Variants in GABRG2 observed in about 807,000 individuals in gnomAD.
GABRG2 encodes gamma-aminobutyric acid receptor subunit gamma-2.
In GABRG2, 16 loss-of-function variants were observed where a neutral mutation model predicts 56.4. That is an observed-to-expected ratio of 0.28 (90% CI 0.19 to 0.43). The LOEUF (loss-of-function observed/expected upper bound fraction) is 0.43. GABRG2 is among the 20% of genes least tolerant of loss of function. The probability of loss-of-function intolerance (pLI) is 1.00; values close to 1 mark genes in which losing one functional copy is unlikely to be tolerated. For missense variants in GABRG2, 327 were observed against 582.7 expected (o/e 0.56, Z 4.52); for synonymous variants, 208 against 205.5 (o/e 1.01, Z -0.10).
rs1210628894 is a variant in GABRG2 at position 162,153,354 on chromosome 5, T to TA, written c.1415dup (p.Tyr472Ter). 6.2e-7 allele frequency: 1 copy of TA among 1,613,990 alleles called. No individual in the cohort carries two copies. Among genetic ancestry groups the TA allele is most frequent in the Non-Finnish European group, 8.5e-7 (1 of 1,179,880 alleles). ...GTTTAATCTGGTCTATTGGGTCTCC[T>TA]ACCTCTACCTGTGAGGAGGTATGGG... is the stretch of plus-strand genomic sequence containing the variant. Reference protein sequence around the residue: ...CLFNLVYWVSYLYL With the variant: ...CLFNLVYWVS The change falls in exon 10 of 10, where the codon TAC becomes TAAC. Residue 472 changes from tyrosine to a stop codon, truncating the protein, a stop_gained and frameshift_variant. Coordinates refer to ENST00000639213, the MANE Select transcript of GABRG2 (RefSeq NM_198904.4). LOFTEE classifies it high-confidence loss of function.
chr5:162,106,510 A>G (rs1046172700), intron 6 of GABRG2, among the ~76,000 whole-genome samples: 6 of 152,206 alleles, frequency 3.9e-5, no homozygotes, highest in Admixed American at 6.5e-5. Context: ...TTGATTTTTG[A>G]TGCTATTCTT....
At chr5:162,071,504 G>T (rs1758670766) in intron 1 of GABRG2, among the ~76,000 whole-genome samples, 1 of 151,722 alleles carries the variant, frequency 6.6e-6, no homozygotes, top group East Asian at 1.9e-4. Context: ...TTTTTAAAAA[G>T]AAAATACAGT....
intron 5 of GABRG2, chr5:162,102,168 T>C (rs1761471880): frequency 5.3e-6 from 1 of 187,742 alleles, no homozygotes; most frequent in Admixed American, 5.4e-5. Flanking sequence ...ACTTCATCAA[T>C]ACCAGAGGAA....
chr5:162,152,288 T>C, intron 9 of GABRG2: 1 of 234,306 alleles, frequency 4.3e-6, no homozygotes, highest in East Asian at 1.2e-4. Context: ...TCTACTATAA[T>C]GTGTTGCAAT....
At chr5:162,141,686 T>A (rs1764579747) in intron 6 of GABRG2, among the ~76,000 whole-genome samples, 1 of 152,212 alleles carries the variant, frequency 6.6e-6, no homozygotes, top group South Asian at 2.1e-4. Flanking sequence ...TAGTTATAAA[T>A]TCTGAGTAAA....
intron 6 of GABRG2, among the ~76,000 whole-genome samples, chr5:162,141,849 C>CA (rs1764591183): frequency 6.6e-6 from 1 of 151,968 alleles, no homozygotes; most frequent in African/African-American, 2.4e-5. Context: ...ACCCTCCTCA[C>CA]CAAACATTTT....
At chr5:162,093,349 C>T (rs773008852) in intron 1 of GABRG2, among the ~76,000 whole-genome samples, 5 of 151,944 alleles carry the variant, frequency 3.3e-5, no homozygotes, top group Admixed American at 2.6e-4. Context: ...TTCAAGTTAG[C>T]GGGGAGAGGC....
At chr5:162,089,826 A>G (rs1372673377) in intron 1 of GABRG2, among the ~76,000 whole-genome samples, 1 of 152,054 alleles carries the variant, frequency 6.6e-6, no homozygotes, top group Non-Finnish European at 1.5e-5. Flanking sequence ...CAATGACTAG[A>G]TTTTCCTCCT....
intron 6 of GABRG2, among the ~76,000 whole-genome samples, chr5:162,134,926 G>A (rs908702409): frequency 1.3e-5 from 2 of 152,134 alleles, no homozygotes; most frequent in African/African-American, 4.8e-5. Flanking sequence ...TTCAGATGGA[G>A]TCTTTAAAGG....
intron 7 of GABRG2, among the ~76,000 whole-genome samples, chr5:162,145,785 C>T (rs1278922531): frequency 6.6e-6 from 1 of 152,090 alleles, no homozygotes; most frequent in African/African-American, 2.4e-5. Flanking sequence ...TTTCACTTGT[C>T]GAGGGTCAAG....
At chr5:162,094,021 A>G in intron 2 of GABRG2, 42 bp downstream of exon 2, 3 of 1,598,424 alleles carry the variant, frequency 1.9e-6, no homozygotes, top group Non-Finnish European at 2.6e-6. Flanking sequence ...ATAGGAGCAC[A>G]TAAACATGTC....
intron 1 of GABRG2, among the ~76,000 whole-genome samples, chr5:162,085,209 T>C (rs1759972809): frequency 6.6e-6 from 1 of 152,012 alleles, no homozygotes. Context: ...GTTTTATTTA[T>C]TTCTGTATGT....
intron 1 of GABRG2, among the ~76,000 whole-genome samples, chr5:162,075,386 A>G (rs1271247214): frequency 6.6e-6 from 1 of 152,252 alleles, no homozygotes; most frequent in East Asian, 1.9e-4. Context: ...GTAATATTGC[A>G]AACTCCACTC....
chr5:162,068,995 A>G (rs1229460165), intron 1 of GABRG2, among the ~76,000 whole-genome samples: 1 of 152,194 alleles, frequency 6.6e-6, no homozygotes, highest in Non-Finnish European at 1.5e-5. Flanking sequence ...ATAATCGTGA[A>G]GTACACATTA....
At chr5:162,071,166 G>GA (rs1758646363) in intron 1 of GABRG2, among the ~76,000 whole-genome samples, 1 of 151,072 alleles carries the variant, frequency 6.6e-6, no homozygotes, top group East Asian at 1.9e-4. Context: ...TGATTATATT[G>GA]AAAAACTATA....
At chr5:162,101,425 TA>T in intron 5 of GABRG2, 108 bp downstream of exon 5, 1 of 809,968 alleles carries the variant, frequency 1.2e-6, no homozygotes, top group South Asian at 1.4e-5. Context: ...TGTATTAAGT[TA>T]TGTTACTGAC....
intron 3 of GABRG2, among the ~76,000 whole-genome samples, chr5:162,096,448 T>G (rs1020306599): frequency 6.6e-6 from 1 of 152,152 alleles, no homozygotes; most frequent in Non-Finnish European, 1.5e-5. Context: ...AGAATCAAAG[T>G]TTTTTATTCA....
At chr5:162,092,854 A>G (rs1760709313) in intron 1 of GABRG2, among the ~76,000 whole-genome samples, 1 of 152,188 alleles carries the variant, frequency 6.6e-6, no homozygotes, top group African/African-American at 2.4e-5. Flanking sequence ...CTACAAAAGT[A>G]ACCAATATTC....
chr5:162,151,388 C>A (rs1472327875), intron 8 of GABRG2: 1 of 224,646 alleles, frequency 4.5e-6, no homozygotes, highest in Non-Finnish European at 8.7e-6. Flanking sequence ...TTAAGTTATC[C>A]GTGATGATAA....
Sources: gnomAD v4.1 joint callset for allele counts (sites outside exome capture counted in the v4.1 genomes callset) on GRCh38, gnomAD v4.1.1 for gene constraint, MANE v1.5 for transcripts, NCBI Gene and HGNC (gene_info 2026-07-23, HGNC 2026-07-21) for gene names.